Variants in SLC2A13 observed in about 807,000 individuals in gnomAD.
SLC2A13 encodes the protein solute carrier family 2 member 13, also known as proton myo-inositol cotransporter.
Under a neutral mutation model 64.4 loss-of-function variants are expected in SLC2A13, and 32 were observed. The ratio of observed to expected loss-of-function variants is 0.50; its 90% CI spans 0.37 to 0.67. SLC2A13 has a LOEUF of 0.67. SLC2A13 is among the 30% of genes least tolerant of loss of function. SLC2A13 has a pLI of 0.00. For missense variants in SLC2A13, 743 were observed against 829.2 expected, an observed-to-expected ratio of 0.90 and a Z score of 1.28; for synonymous variants, 338 against 327.1, an observed-to-expected ratio of 1.03 and a Z score of -0.36.
chr12:40,080,921 C>T (rs1938371575), intron 1 of SLC2A13, among the ~76,000 whole-genome samples: 1 of 152,118 alleles, frequency 6.6e-6, no homozygotes, highest in Admixed American at 6.5e-5. Context: ...TTAGTGTTTG[C>T]TTGTCTGAAG....
intron 2 of SLC2A13, among the ~76,000 whole-genome samples, chr12:40,028,952 A>C (rs1055167434): frequency 2.0e-5 from 3 of 152,158 alleles, no homozygotes; most frequent in African/African-American, 7.2e-5. Context: ...TTGTTTCTTT[A>C]TAGTTATTTC....
At chr12:39,891,124 T>C (rs1221346241) in intron 4 of SLC2A13, among the ~76,000 whole-genome samples, 2 of 150,968 alleles carry the variant, frequency 1.3e-5, no homozygotes, top group East Asian at 3.9e-4. Flanking sequence ...ATATACCTTT[T>C]TTTTTTTAAC....
chr12:39,873,675 C>G (rs1346494430), intron 4 of SLC2A13, among the ~76,000 whole-genome samples: 1 of 152,072 alleles, frequency 6.6e-6, no homozygotes, highest in Non-Finnish European at 1.5e-5. Context: ...TTGATGCTTT[C>G]ATTTTCAATA....
At position 39,984,095 on chromosome 12, in the gene SLC2A13, C is replaced by T. The variant is rs1229074084; in HGVS notation, c.926-32730G>A. On this transcript the variant is annotated intron_variant, in intron 3 of 9. Coordinates refer to ENST00000280871, the MANE Select transcript of SLC2A13 (RefSeq NM_052885.4). ...ATCGCAAGAAGAAAAAACCAAACAC[C>T]ACATATTCTCACTCATAGGTGGGAA... 1.5e-4 allele frequency among the ~76,000 whole-genome samples: 23 copies of T among 151,524 alleles called. No individual in the cohort carries two copies. In the South Asian group the frequency reaches 2.9e-3, roughly 19 times the overall value.
At chr12:39,970,460 T>C (rs1946626122) in intron 3 of SLC2A13, among the ~76,000 whole-genome samples, 2 of 152,246 alleles carry the variant, frequency 1.3e-5, no homozygotes, top group South Asian at 4.1e-4. Flanking sequence ...TCTTTTTTAA[T>C]ACACTCATTG....
intron 1 of SLC2A13, among the ~76,000 whole-genome samples, chr12:40,098,926 C>T (rs1380102755): frequency 6.6e-6 from 1 of 152,216 alleles, no homozygotes; most frequent in Non-Finnish European, 1.5e-5. Context: ...AGTGCAGCGG[C>T]AGGGTGGCGC....
intron 2 of SLC2A13, among the ~76,000 whole-genome samples, chr12:40,046,607 C>G (rs189423636): frequency 1.2e-3 from 186 of 151,854 alleles, no homozygotes; most frequent in South Asian, 1.0e-3. Context: ...CAGTTATCGT[C>G]TTTCCTCTTT....
chr12:39,964,060 T>G (rs542211102), intron 3 of SLC2A13, among the ~76,000 whole-genome samples: 1 of 152,228 alleles, frequency 6.6e-6, no homozygotes, highest in African/African-American at 2.4e-5. Flanking sequence ...ATGTAACATC[T>G]TAAAAGAAAG....
chr12:39,876,940 A>AC (rs1356049416), intron 4 of SLC2A13, among the ~76,000 whole-genome samples: 1 of 152,162 alleles, frequency 6.6e-6, no homozygotes, highest in African/African-American at 2.4e-5. Context: ...TGACTGTAAG[A>AC]CCTTAAAGAT....
Position 40,105,959 on chromosome 12 carries a change from G to C in SLC2A13, c.-151C>G, listed in dbSNP as rs978976495. 1 of 951,170 alleles carries C rather than the reference G, an allele frequency of 1.1e-6. No individual in the cohort carries two copies. The highest frequency in any genetic ancestry group is 1.7e-5 in the African/African-American group (1 of 57,954). The allele number at this position is 951,170 out of a possible 1,614,324, so 58.9% of individuals were successfully genotyped here. ...TCCGGCTGCCACGGCAGCAGCCGCC[G>C]CCACGGCCGCTCCGGGGAGAAAGTT... On this transcript the variant is annotated 5_prime_UTR_variant, in exon 1 of 10. Transcript: ENST00000280871. This position sits in a 1 kb window ranked among gnomAD's most constrained non-coding sequence, Gnocchi z 4.2.
intron 1 of SLC2A13, among the ~76,000 whole-genome samples, chr12:40,079,364 C>T (rs547902342): frequency 2.6e-5 from 4 of 152,304 alleles, no homozygotes; most frequent in South Asian, 4.1e-4. Flanking sequence ...CTTAATTTCA[C>T]TCTACACAAA....
intron 6 of SLC2A13, among the ~76,000 whole-genome samples, chr12:39,832,321 A>G (rs1419064699): frequency 6.6e-6 from 1 of 152,154 alleles, no homozygotes; most frequent in Non-Finnish European, 1.5e-5. Flanking sequence ...AATTGTTCCA[A>G]TGGCCTTAAA....
chr12:39,943,907 C>T (rs898783532), intron 4 of SLC2A13, among the ~76,000 whole-genome samples: 5 of 152,322 alleles, frequency 3.3e-5, no homozygotes, highest in Non-Finnish European at 7.3e-5. Context: ...AGACACTGAG[C>T]TAGCTGCAGG....
chr12:39,857,395 C>T (rs1234425806), intron 6 of SLC2A13, among the ~76,000 whole-genome samples: 1 of 152,104 alleles, frequency 6.6e-6, no homozygotes, highest in Non-Finnish European at 1.5e-5. Flanking sequence ...TTCCTCTTGC[C>T]CTAAGTATTT....
At chr12:39,883,769 T>C (rs1376479887) in intron 4 of SLC2A13, among the ~76,000 whole-genome samples, 1 of 152,190 alleles carries the variant, frequency 6.6e-6, no homozygotes, top group Non-Finnish European at 1.5e-5. Context: ...TATGCAAATA[T>C]ATGTAGTTTT....
intron 3 of SLC2A13, among the ~76,000 whole-genome samples, chr12:39,972,015 T>TATATATATATATATATA (rs1491210436): frequency 3.5e-4 from 28 of 80,926 alleles, no homozygotes; most frequent in African/African-American, 6.0e-4. Context: ...TATATATATA[T>TATATATATATATATATA]TTTTTTTTAT....
Position 40,105,126 on chromosome 12 carries a change from A to G in SLC2A13, c.556+127T>C. 7.6e-7 allele frequency: 1 copy of G among 1,320,184 alleles called. No individual in the cohort carries two copies. Among genetic ancestry groups the G allele is most frequent in the African/African-American group, 1.6e-5 (1 of 63,098 alleles). 81.8% of individuals were successfully genotyped at this position (1,320,184 alleles called of 1,614,324 possible). A position where few individuals can be genotyped will look rare whatever the true frequency, so the allele number is the denominator to read the frequency against. On this transcript the variant is annotated intron_variant, in intron 1 of 9. Transcript: ENST00000280871. The surrounding 1 kb of genome is among the most constrained non-coding windows in gnomAD (Gnocchi z 4.2). ...CAAACAGATGGGCTCTGGAGGCCAG[A>G]GAAGTGGAGGATTCTCTGACCCTGG...
At chr12:39,786,194 G>A (rs1941179209) in intron 7 of SLC2A13, among the ~76,000 whole-genome samples, 2 of 152,170 alleles carry the variant, frequency 1.3e-5, no homozygotes, top group African/African-American at 4.8e-5. Flanking sequence ...GAATTCCCAT[G>A]TATTGTGGGA....
chr12:40,100,585 C>A (rs1243465841), intron 1 of SLC2A13, among the ~76,000 whole-genome samples: 1 of 152,142 alleles, frequency 6.6e-6, no homozygotes, highest in Non-Finnish European at 1.5e-5. Flanking sequence ...TTGTAACTAA[C>A]CACACTTCAA....
Sources: gnomAD v4.1 joint callset for allele counts (sites outside exome capture counted in the v4.1 genomes callset) on GRCh38, gnomAD v4.1.1 for gene constraint, Gnocchi (gnomAD v3.1) non-coding constraint, MANE v1.5 for transcripts, NCBI Gene and HGNC (gene_info 2026-07-23, HGNC 2026-07-21) for gene names.